ABCG2: variants seen among roughly 807,000 people sequenced by gnomAD.
ABCG2 encodes the protein broad substrate specificity ATP-binding cassette transporter ABCG2.
A neutral mutation model predicts 73.5 loss-of-function variants in ABCG2; 80 were observed. The ratio of observed to expected loss-of-function variants is 1.09; its 90% CI spans 0.91 to 1.31. The LOEUF (loss-of-function observed/expected upper bound fraction) is 1.31, where lower values mean the gene tolerates loss of function less well. ABCG2 is among the 50% of genes most tolerant of loss of function. The probability of loss-of-function intolerance (pLI) is 0.00; values close to 1 mark genes in which losing one functional copy is unlikely to be tolerated. For missense variants in ABCG2, 796 were observed against 786.2 expected, an observed-to-expected ratio of 1.01 and a Z score of -0.15; for synonymous variants, 269 against 282.4, an observed-to-expected ratio of 0.95 and a Z score of 0.48.
At chr4:88,119,920 G>C (rs1301568035) in intron 6 of ABCG2, among the ~76,000 whole-genome samples, 1 of 152,186 alleles carries the variant, frequency 6.6e-6, no homozygotes, top group African/African-American at 2.4e-5. Context: ...ACAGAAATTT[G>C]CATAAGTAAT....
At chr4:88,220,791 G>A (rs1306994579) in intron 1 of ABCG2, 1 of 152,184 alleles carries the variant, frequency 6.6e-6, no homozygotes, top group Non-Finnish European at 1.5e-5. Context: ...GTGATGGTAA[G>A]TTCTCATGAG....
chr4:88,152,867 C>T (rs983609284), intron 1 of ABCG2, among the ~76,000 whole-genome samples: 15 of 151,808 alleles, frequency 9.9e-5, no homozygotes, highest in Admixed American at 2.6e-4. Flanking sequence ...TTAGGGGCGG[C>T]GTGGGAACCT....
intron 1 of ABCG2, among the ~76,000 whole-genome samples, chr4:88,181,578 A>T (rs1489743286): frequency 6.6e-6 from 1 of 152,188 alleles, no homozygotes; most frequent in Admixed American, 6.5e-5. Flanking sequence ...AAAAAATAAA[A>T]GAAATAGCCT....
intron 1 of ABCG2, among the ~76,000 whole-genome samples, chr4:88,148,051 G>A (rs538790824): frequency 1.4e-4 from 21 of 152,198 alleles, no homozygotes; most frequent in Non-Finnish European, 2.9e-4. Context: ...CAAGACCTGC[G>A]AGGTGGGAGG....
At position 88,132,590 on chromosome 4, in the gene ABCG2, A is replaced by C; in HGVS notation, c.249T>G (p.Gly83=). ...PGLNAILGPT[G]GGKSSLLDVL... is the part of the protein sequence containing the mutation. ...CTTATACTCACGAAGATTTGCCTCC[A>C]CCTGTGGGTCCCAGGATGGCGTTGA... Residue 83 remains glycine (G), a synonymous_variant, in exon 3 of 16, where the codon GGT becomes GGG. Coordinates refer to ENST00000237612, the MANE Select transcript of ABCG2 (RefSeq NM_004827.3). 1 of 1,614,162 alleles carries C rather than the reference A, an allele frequency of 6.2e-7. No homozygotes were observed. The highest frequency in any genetic ancestry group is 8.5e-7 in the Non-Finnish European group (1 of 1,180,010).
chr4:88,131,321 A>T, intron 4 of ABCG2, 108 bp from the exon 5 acceptor site: 1 of 1,208,872 alleles, frequency 8.3e-7, no homozygotes, highest in Non-Finnish European at 1.2e-6. Flanking sequence ...TAACTAAGGT[A>T]AAGTTCTAGC....
At chr4:88,220,472 G>C (rs77381285) in intron 1 of ABCG2, 3 of 152,342 alleles carry the variant, frequency 2.0e-5, no homozygotes, top group African/African-American at 7.2e-5. Flanking sequence ...GCCAACAATT[G>C]TTATTTTCAA....
chr4:88,098,653 T>TAGATAGAC (rs1272625800), intron 12 of ABCG2, among the ~76,000 whole-genome samples: 2 of 149,176 alleles, frequency 1.3e-5, no homozygotes, highest in Non-Finnish European at 3.0e-5. Context: ...GAGAGATAGA[T>TAGATAGAC]AGATAGATAG....
chr4:88,131,011 G>A, intron 5 of ABCG2, 50 bp downstream of exon 5: 11 of 1,596,030 alleles, frequency 6.9e-6, no homozygotes, highest in Non-Finnish European at 9.4e-6. Flanking sequence ...ATCCACACAG[G>A]GAAAGTCCTA....
intron 9 of ABCG2, among the ~76,000 whole-genome samples, chr4:88,108,265 G>A (rs1341161771): frequency 1.3e-5 from 2 of 152,126 alleles, no homozygotes; most frequent in South Asian, 2.1e-4. Context: ...GCTCATGCCT[G>A]TAATATCAGC....
intron 8 of ABCG2, among the ~76,000 whole-genome samples, chr4:88,114,627 C>CAA (rs11320820): frequency 3.2e-4 from 34 of 107,108 alleles, no homozygotes; most frequent in African/African-American, 6.2e-4. Context: ...GATTCCTTCT[C>CAA]AAAAAAAAAA....
At chr4:88,101,444 T>G (rs1337666827) in intron 10 of ABCG2, 125 bp from the exon 11 acceptor site, 1 of 841,518 alleles carries the variant, frequency 1.2e-6, no homozygotes, top group African/African-American at 1.7e-5. Flanking sequence ...AGGGAAACTG[T>G]TCTGGTTGGA....
intron 1 of ABCG2, among the ~76,000 whole-genome samples, chr4:88,194,357 T>C (rs890642656): frequency 1.3e-5 from 2 of 151,786 alleles, no homozygotes; most frequent in Admixed American, 1.3e-4. Context: ...AAGACCATCC[T>C]GGCTAACACG....
At chr4:88,133,123 C>T (rs1725016466) in intron 2 of ABCG2, among the ~76,000 whole-genome samples, 1 of 152,198 alleles carries the variant, frequency 6.6e-6, no homozygotes, top group African/African-American at 2.4e-5. Context: ...ACTTACTGCT[C>T]TTAACACAGT....
intron 5 of ABCG2, among the ~76,000 whole-genome samples, chr4:88,128,956 T>G (rs11931123): frequency 0.24 from 36,179 of 152,162 alleles, 5,112 homozygotes; most frequent in African/African-American, 0.39. Flanking sequence ...TTTTAACAGT[T>G]TGTTCTTCAC....
intron 1 of ABCG2, among the ~76,000 whole-genome samples, chr4:88,171,295 G>T (rs938384289): frequency 1.4e-5 from 2 of 140,136 alleles, no homozygotes; most frequent in African/African-American, 5.4e-5. Flanking sequence ...AAAAAAGAAA[G>T]GTTATTCTGT....
chr4:88,166,617 A>G lies in ABCG2; in HGVS notation c.-19-26603T>C, dbSNP rs151300247. Among the ~76,000 whole-genome samples, 895 of 152,256 alleles carry G rather than the reference A, an allele frequency of 5.9e-3. 5 individuals are homozygous for G. The highest frequency in any genetic ancestry group is 0.021 in the African/African-American group (853 of 41,550). On this transcript the variant is annotated intron_variant, in intron 1 of 15. Coordinates refer to the ABCG2 transcript ENST00000515655. ...GCACAGCAACACCAAGGCCCCTACT[A>G]CTTGGGATGGGACTCTGTAAACAGT...
chr4:88,221,995 T>C (rs536491642), intron 1 of ABCG2, among the ~76,000 whole-genome samples: 3 of 152,316 alleles, frequency 2.0e-5, no homozygotes, highest in Non-Finnish European at 4.4e-5. Context: ...TCACAGTCCC[T>C]GAAGACTAGG....
At chr4:88,176,157 G>GT (rs139194019) in intron 1 of ABCG2, among the ~76,000 whole-genome samples, 51,143 of 150,606 alleles carry the variant, frequency 0.34, 9,226 homozygotes, top group Non-Finnish European at 0.39. Flanking sequence ...GATTATTCTT[G>GT]TTTTTTTTTT....
Sources: allele counts gnomAD v4.1 joint callset (sites outside exome capture counted in the v4.1 genomes callset), GRCh38; gene constraint gnomAD v4.1.1; transcripts MANE v1.5; gene names NCBI Gene and HGNC (gene_info 2026-07-23, HGNC 2026-07-21).